PFKL: variants seen among roughly 807,000 people sequenced by gnomAD.
The protein encoded by PFKL is phosphofructokinase, liver type.
In PFKL, 74 loss-of-function variants were observed where a neutral mutation model predicts 92.1. That is an observed-to-expected ratio of 0.80 (90% CI 0.67 to 0.97). PFKL has a LOEUF of 0.97. Among genes scored for constraint, PFKL ranks in the 50% least tolerant of loss-of-function variants. The pLI is 0.00. For synonymous variants in PFKL, 494 were observed against 456.4 expected, an observed-to-expected ratio of 1.08 and a Z score of -1.05; for missense variants, 1,028 against 1,116.6, an observed-to-expected ratio of 0.92 and a Z score of 1.13.
At chr21:44,305,820 C>A in intron 1 of PFKL, 2 of 1,366,956 alleles carry the variant, frequency 1.5e-6, no homozygotes, top group Non-Finnish European at 2.0e-6. Flanking sequence ...TTGCCAAGGC[C>A]CCCGCTGGGA....
At position 44,318,613 on chromosome 21, in the gene PFKL, C is replaced by G. The variant is rs900679681; in HGVS notation, c.1062+18C>G. 49 of 1,452,892 alleles carry G rather than the reference C, an allele frequency of 3.4e-5. No individual in the cohort carries two copies. The highest frequency in any genetic ancestry group is 4.1e-5 in the Non-Finnish European group (45 of 1,088,582). 90.0% of individuals were successfully genotyped at this position (1,452,892 alleles called of 1,614,324 possible). A position where few individuals can be genotyped will look rare whatever the true frequency, so the allele number is the denominator to read the frequency against. On this transcript the variant is annotated intron_variant, in intron 10 of 21. Transcript: ENST00000349048. ...TGCAGATGGTAAGCCCTGGGCCCCCCCCATCAGAACCGCCTGGCCCCTCTC... is the reference window on the plus strand; with the variant it reads ...TGCAGATGGTAAGCCCTGGGCCCCCGCCATCAGAACCGCCTGGCCCCTCTC...
At chr21:44,316,714 C>T (rs1219491355) in intron 9 of PFKL, among the ~76,000 whole-genome samples, 190 bp downstream of exon 9, 1 of 151,578 alleles carries the variant, frequency 6.6e-6, no homozygotes, top group Admixed American at 6.6e-5. Flanking sequence ...CTGTGTGTGT[C>T]TGGTCCGTGT....
At chr21:44,318,759 G>A (rs1043928818) in intron 10 of PFKL, among the ~76,000 whole-genome samples, 164 bp downstream of exon 10, 4 of 152,090 alleles carry the variant, frequency 2.6e-5, no homozygotes, top group African/African-American at 7.2e-5. Context: ...AGGGATGTGA[G>A]CACATCCCTG....
chr21:44,316,801 T>C (rs2047221181), intron 9 of PFKL, among the ~76,000 whole-genome samples: 1 of 152,088 alleles, frequency 6.6e-6, no homozygotes, highest in African/African-American at 2.4e-5. Flanking sequence ...TTGCTCCTCC[T>C]GGGGGAGACT....
At chr21:44,317,870 C>T (rs2047250633) in intron 9 of PFKL, among the ~76,000 whole-genome samples, 1 of 152,242 alleles carries the variant, frequency 6.6e-6, no homozygotes, top group Admixed American at 6.5e-5. Flanking sequence ...CTGTGTGGAA[C>T]ACGGAGGGCT....
chr21:44,325,865 TG>T, intron 19 of PFKL, 95 bp from the exon 20 acceptor site: 1 of 831,626 alleles, frequency 1.2e-6, no homozygotes, highest in Non-Finnish European at 2.0e-6. Flanking sequence ...ACAAGCTGCC[TG>T]GGAGGCTCCC....
intron 15 of PFKL, 101 bp from the exon 16 acceptor site, chr21:44,323,665 G>T: frequency 7.7e-7 from 1 of 1,296,000 alleles, no homozygotes; most frequent in Non-Finnish European, 1.1e-6. Context: ...GCACATGACA[G>T]GTCAGCAGGG....
chr21:44,314,250 C>A, intron 7 of PFKL: 1 of 557,312 alleles, frequency 1.8e-6, no homozygotes, highest in Non-Finnish European at 3.2e-6. Flanking sequence ...GAGGGTCACT[C>A]AGGCTGCCGC....
chr21:44,300,953 T>A (rs1240478960), intron 1 of PFKL, among the ~76,000 whole-genome samples: 3 of 152,168 alleles, frequency 2.0e-5, no homozygotes, highest in African/African-American at 7.2e-5. Flanking sequence ...GGACGCCACC[T>A]ACCCTACCCC....
At chr21:44,314,223 AGTGGG>A (rs1568955460) in intron 7 of PFKL, 7 of 576,808 alleles carry the variant, frequency 1.2e-5, no homozygotes, top group Non-Finnish European at 2.2e-5. Context: ...TCCTGCCCCC[AGTGGG>A]CAGGAGGCGG....
chr21:44,325,320 G>T (rs1335916122), intron 19 of PFKL, 56 bp downstream of exon 19: 1 of 1,245,008 alleles, frequency 8.0e-7, no homozygotes, highest in South Asian at 1.2e-5. Flanking sequence ...GCCACCATCT[G>T]TCCCCGGCCC....
At chr21:44,322,005 G>A in intron 13 of PFKL, 128 bp from the exon 14 acceptor site, 1 of 1,438,638 alleles carries the variant, frequency 7.0e-7, no homozygotes, top group Middle Eastern at 2.0e-4. Flanking sequence ...GCCCACCCGG[G>A]CCTGGGTACT....
chr21:44,324,559 G>A lies in PFKL; in HGVS notation c.1719G>A (p.Gly573=). Residue 573 remains glycine, a synonymous_variant, in exon 17 of 22, where the codon GGG becomes GGA. Coordinates refer to ENST00000349048, the MANE Select transcript of PFKL (RefSeq NM_002626.6). Reference sequence around the variant, plus strand: ...GTGTGTTCATCGTGGAGACCATGGGGGGTTACTGTGGCTACCTGGCCACCG... The same window carrying A: ...GTGTGTTCATCGTGGAGACCATGGGAGGTTACTGTGGCTACCTGGCCACCG... ...KRRVFIVETM[G]GYCGYLATVT... The A allele has an allele frequency of 6.2e-7, 1 of 1,613,472 alleles. No individual in the cohort carries two copies. The highest frequency in any genetic ancestry group is 8.5e-7 in the Non-Finnish European group (1 of 1,179,882).
intron 2 of PFKL, 78 bp downstream of exon 2, chr21:44,306,832 T>C: frequency 1.6e-6 from 2 of 1,281,990 alleles, no homozygotes; most frequent in Non-Finnish European, 2.2e-6. Context: ...TCTGTGTGGG[T>C]CACACTGGGA....
At position 44,313,838 on chromosome 21, in the gene PFKL, G is replaced by A. The variant is rs943650400; in HGVS notation, c.639-75G>A. On this transcript the variant is annotated intron_variant, in intron 6 of 21. Coordinates refer to ENST00000349048, the MANE Select transcript of PFKL (RefSeq NM_002626.6). ...GACAGAGAAGCTGTGGCCCAGAGTCGGACCTCTGGGTACAGGGAAGCTCCC... is the reference window on the plus strand; with the variant it reads ...GACAGAGAAGCTGTGGCCCAGAGTCAGACCTCTGGGTACAGGGAAGCTCCC... 2.4e-4 allele frequency: 322 copies of A among 1,345,838 alleles called. 1 individual carries two copies. Among genetic ancestry groups the A allele is most frequent in the South Asian group, 2.0e-3 (156 of 79,448 alleles). The allele number at this position is 1,345,838 out of a possible 1,614,324, so 83.4% of individuals were successfully genotyped here. A position where few individuals can be genotyped will look rare whatever the true frequency, so the allele number is the denominator to read the frequency against.
At chr21:44,325,580 C>T in intron 19 of PFKL, 1 of 509,816 alleles carries the variant, frequency 2.0e-6, no homozygotes, top group East Asian at 3.4e-5. Context: ...TGCTCCCTGC[C>T]TTATGGTGGC....
intron 2 of PFKL, among the ~76,000 whole-genome samples, chr21:44,307,560 C>G (rs1412976095): frequency 2.0e-5 from 3 of 152,244 alleles, no homozygotes; most frequent in Non-Finnish European, 2.9e-5. Context: ...CCCCACCCCC[C>G]TCACTGCTCA....
Position 44,305,838 on chromosome 21 carries a change from T to C in PFKL, c.86-843T>C, listed in dbSNP as rs771997428. Reference sequence around the variant, plus strand: ...CCAAGGCCCCCGCTGGGACAGACTGTTTCTTTCACTGCAGTCCTGGGAGCC... The same window carrying C: ...CCAAGGCCCCCGCTGGGACAGACTGCTTCTTTCACTGCAGTCCTGGGAGCC... On this transcript the variant is annotated intron_variant, in intron 1 of 21. Transcript: ENST00000349048. 3 of 1,366,746 alleles carry C rather than the reference T, an allele frequency of 2.2e-6. No homozygotes were observed. The South Asian group carries it at 3.4e-5, about 16-fold the overall frequency. 84.7% of individuals were successfully genotyped at this position (1,366,746 alleles called of 1,614,324 possible). A position where few individuals can be genotyped will look rare whatever the true frequency, so the allele number is the denominator to read the frequency against.
In PFKL at chr21:44,321,809, C is replaced by T. The variant is rs750122489; in HGVS notation, c.1272C>T (p.Thr424=). The T allele has an allele frequency of 1.1e-5, 17 of 1,602,292 alleles. No individual in the cohort carries two copies. The highest frequency in any genetic ancestry group is 3.4e-5 in the Admixed American group (2 of 58,060). The change falls in exon 13 of 22, where the codon ACC becomes ACT. Residue 424 remains threonine (T), a synonymous_variant. Coordinates refer to ENST00000349048, the MANE Select transcript of PFKL (RefSeq NM_002626.6). ...CGGCCGTGCGCTCGGCGGTGCGGAC[C>T]GGCATCTCCCATGGACACACAGTAT... The part of the protein sequence containing the change: ...MNAAVRSAVR[T]GISHGHTVYV...
Sources: gnomAD v4.1 joint callset for allele counts (sites outside exome capture counted in the v4.1 genomes callset) on GRCh38, gnomAD v4.1.1 for gene constraint, MANE v1.5 for transcripts, NCBI Gene and HGNC (gene_info 2026-07-23, HGNC 2026-07-21) for gene names.